CNTNAP2: variants seen among roughly 807,000 people sequenced by gnomAD.
CNTNAP2 encodes the protein contactin-associated protein-like 2.
Under a neutral mutation model 155.2 loss-of-function variants are expected in CNTNAP2, and 98 were observed. That is an observed-to-expected ratio of 0.63 (90% CI 0.54 to 0.75). CNTNAP2 has a LOEUF of 0.75. CNTNAP2 is among the 30% of genes least tolerant of loss of function. The pLI, the probability that CNTNAP2 is intolerant of heterozygous loss-of-function variation, is 0.00. For synonymous variants in CNTNAP2, 651 were observed against 631.2 expected (o/e 1.03, Z -0.47); for missense variants, 1,727 against 1,688.1 (o/e 1.02, Z -0.40).
chr7:146,938,484 C>G (rs1424895935), intron 3 of CNTNAP2, among the ~76,000 whole-genome samples: 1 of 150,408 alleles, frequency 6.6e-6, no homozygotes, highest in Admixed American at 6.6e-5. Context: ...ATATATAAAA[C>G]TACTTCTTTT....
chr7:147,351,991 A>G (rs181545127), intron 9 of CNTNAP2, among the ~76,000 whole-genome samples: 43 of 152,046 alleles, frequency 2.8e-4, no homozygotes, highest in African/African-American at 8.2e-4. Context: ...AAATGTGCCA[A>G]TTCTTCAATG....
chr7:147,043,558 CAT>C (rs2129255091), intron 3 of CNTNAP2, among the ~76,000 whole-genome samples: 1 of 152,270 alleles, frequency 6.6e-6, no homozygotes, highest in African/African-American at 2.4e-5. Context: ...GAGAGCAAGA[CAT>C]ATGGTTAGAT....
chr7:146,781,845 C>G (rs1442386185), intron 2 of CNTNAP2, among the ~76,000 whole-genome samples: 3 of 152,070 alleles, frequency 2.0e-5, no homozygotes. Context: ...AGAACTGCAG[C>G]TGATATACTA....
chr7:147,913,905 A>G (rs1229111010), intron 14 of CNTNAP2, among the ~76,000 whole-genome samples: 4 of 152,210 alleles, frequency 2.6e-5, no homozygotes, highest in Admixed American at 1.3e-4. Context: ...GTAGGAATGT[A>G]TGACTGAGGT....
intron 13 of CNTNAP2, among the ~76,000 whole-genome samples, chr7:147,769,127 A>T (rs1295746049): frequency 6.6e-6 from 1 of 152,148 alleles, no homozygotes; most frequent in South Asian, 2.1e-4. Context: ...ACATGTGGTG[A>T]AAGATTTTAT....
intron 1 of CNTNAP2, among the ~76,000 whole-genome samples, chr7:146,765,918 T>A (rs962385055): frequency 1.3e-5 from 2 of 151,932 alleles, no homozygotes; most frequent in Non-Finnish European, 2.9e-5. Flanking sequence ...GTGCTTGGTG[T>A]GTATGAGAGA....
At chr7:148,057,350 C>T (rs1803038401) in intron 15 of CNTNAP2, among the ~76,000 whole-genome samples, 1 of 152,220 alleles carries the variant, frequency 6.6e-6, no homozygotes, top group Non-Finnish European at 1.5e-5. Context: ...GTGGATAACA[C>T]ATCAGCAAGG....
At chr7:147,543,632 C>T (rs2116749499) in intron 11 of CNTNAP2, among the ~76,000 whole-genome samples, 1 of 152,212 alleles carries the variant, frequency 6.6e-6, no homozygotes, top group African/African-American at 2.4e-5. Flanking sequence ...ATGTTTTATT[C>T]CCAAGCACTT....
At chr7:147,619,513 C>T (rs1275454270) in intron 12 of CNTNAP2, among the ~76,000 whole-genome samples, 2 of 152,124 alleles carry the variant, frequency 1.3e-5, no homozygotes, top group East Asian at 1.9e-4. Context: ...GAGCCGTGGG[C>T]CTTAAGGGAA....
At chr7:147,790,206 G>A (rs1797799105) in intron 13 of CNTNAP2, among the ~76,000 whole-genome samples, 1 of 152,052 alleles carries the variant, frequency 6.6e-6, no homozygotes, top group African/African-American at 2.4e-5. Flanking sequence ...ACTGTCCTGT[G>A]TCAGAAAGTC....
At chr7:146,733,887 T>C (rs1447886691) in intron 1 of CNTNAP2, among the ~76,000 whole-genome samples, 1 of 152,142 alleles carries the variant, frequency 6.6e-6, no homozygotes, top group East Asian at 1.9e-4. Flanking sequence ...ATAGTTCTTT[T>C]TCTGTTTTTG....
intron 3 of CNTNAP2, among the ~76,000 whole-genome samples, chr7:146,912,995 T>C (rs1472811881): frequency 1.3e-5 from 2 of 152,190 alleles, no homozygotes; most frequent in Non-Finnish European, 1.5e-5. Context: ...ATGTAGATGA[T>C]GTCTTCAGGA....
intron 14 of CNTNAP2, among the ~76,000 whole-genome samples, chr7:147,963,876 TC>T (rs763718129): frequency 7.9e-5 from 12 of 152,024 alleles, no homozygotes; most frequent in Non-Finnish European, 1.5e-4. Context: ...ATGTCTTTTT[TC>T]CCCCCTCAGA....
chr7:148,142,833 A>T (rs1273894673), intron 16 of CNTNAP2, among the ~76,000 whole-genome samples: 1 of 152,200 alleles, frequency 6.6e-6, no homozygotes, highest in Non-Finnish European at 1.5e-5. Context: ...AATGAGAGCA[A>T]ATAGTGCCAC....
intron 11 of CNTNAP2, among the ~76,000 whole-genome samples, chr7:147,556,364 A>T (rs1346903316): frequency 6.6e-6 from 1 of 152,092 alleles, no homozygotes; most frequent in African/African-American, 2.4e-5. Flanking sequence ...TATATCTGTG[A>T]TAAAAATAAT....
intron 11 of CNTNAP2, among the ~76,000 whole-genome samples, chr7:147,532,199 C>T (rs1050506997): frequency 3.3e-5 from 5 of 152,122 alleles, no homozygotes; most frequent in African/African-American, 9.7e-5. Context: ...TTAACAGTAC[C>T]TAAGTTACCT....
intron 14 of CNTNAP2, among the ~76,000 whole-genome samples, chr7:147,945,082 A>G (rs1255568729): frequency 8.5e-5 from 13 of 152,310 alleles, no homozygotes; most frequent in Non-Finnish European, 1.6e-4. Flanking sequence ...GCCTGTATAG[A>G]ATTATATCCA....
chr7:147,421,569 G>T (rs1257421319), intron 10 of CNTNAP2, among the ~76,000 whole-genome samples: 4 of 128,486 alleles, frequency 3.1e-5, no homozygotes, highest in Non-Finnish European at 6.9e-5. Flanking sequence ...GATATGTCCT[G>T]GTATGTCTAT....
In CNTNAP2 at chr7:146,950,469, G is replaced by A. The variant is rs556249891; in HGVS notation, c.403-93438G>A. Among the ~76,000 whole-genome samples, 190 of 152,002 alleles carry A rather than the reference G, an allele frequency of 1.2e-3. 1 individual carries two copies. Among genetic ancestry groups the A allele is most frequent in the Non-Finnish European group, 1.0e-3 (68 of 67,990 alleles). ...TTGCCCCCCACCACCAACAGGCACCGATGTGTGATCTTCCCCTCTCTGTGT... is the reference window on the plus strand; with the variant it reads ...TTGCCCCCCACCACCAACAGGCACCAATGTGTGATCTTCCCCTCTCTGTGT... On this transcript the variant is annotated intron_variant, in intron 3 of 23. Coordinates refer to ENST00000361727, the MANE Select transcript of CNTNAP2 (RefSeq NM_014141.6).
Sources: gnomAD v4.1 joint callset for allele counts (sites outside exome capture counted in the v4.1 genomes callset) on GRCh38, gnomAD v4.1.1 for gene constraint, MANE v1.5 for transcripts, NCBI Gene and HGNC (gene_info 2026-07-23, HGNC 2026-07-21) for gene names.